Variants in ZNF91 observed in about 807,000 individuals in gnomAD.
ZNF91 encodes zinc finger protein 91 (HPF7, HTF10).
In ZNF91, 7 loss-of-function variants were observed where a neutral mutation model predicts 12.6. The observed-to-expected ratio is 0.55, with a 90% CI of 0.31 to 1.04. ZNF91 has a LOEUF of 1.04. ZNF91 is among the 50% of genes least tolerant of loss of function. ZNF91 has a pLI of 0.05. For synonymous variants in ZNF91, 453 were observed against 462.6 expected, an observed-to-expected ratio of 0.98 and a Z score of 0.27; for missense variants, 1,217 against 1,385.4, an observed-to-expected ratio of 0.88 and a Z score of 1.93.
downstream of ZNF91, among the ~76,000 whole-genome samples, chr19:23,334,401 A>T (rs79718215): frequency 0.027 from 4,037 of 152,218 alleles, 141 homozygotes; most frequent in African/African-American, 0.087. Flanking sequence ...AACGTTTTAG[A>T]AAGTTTAAGC....
At chr19:23,329,966 C>T (rs1431303795) in intron 1 of ZNF91, among the ~76,000 whole-genome samples, 2 of 152,200 alleles carry the variant, frequency 1.3e-5, no homozygotes, top group African/African-American at 4.8e-5. Flanking sequence ...ATATCTGTCT[C>T]ACTTGGCTGC....
rs753472061 is a variant in ZNF91, at chr19:23,346,466, C to T, written c.254-7412G>A. Among the ~76,000 whole-genome samples, 6 of 152,170 alleles carry T rather than the reference C, an allele frequency of 3.9e-5. No individual in the cohort carries two copies. The East Asian group carries it at 5.8e-4, about 15-fold the overall frequency. ...GGACTCAAAAAGGGTGCCCATAAAG[C>T]GGTAAACTATGAAAAACTTTCAGAA... On this transcript the variant is annotated intron_variant, in intron 3 of 3. Coordinates refer to the ZNF91 transcript ENST00000599743.
intron 1 of ZNF91, among the ~76,000 whole-genome samples, chr19:23,319,352 C>T (rs1967636003): frequency 6.6e-6 from 1 of 152,200 alleles, no homozygotes; most frequent in African/African-American, 2.4e-5. Context: ...TATGCCATAC[C>T]TTTTTGTTTA....
upstream of ZNF91, among the ~76,000 whole-genome samples, chr19:23,311,231 G>A (rs1967465367): frequency 6.6e-6 from 1 of 152,032 alleles, no homozygotes; most frequent in African/African-American, 2.4e-5. Flanking sequence ...CAACATCTTG[G>A]ACTCTGACCA....
At chr19:23,344,163 T>C (rs754664129) in intron 3 of ZNF91, among the ~76,000 whole-genome samples, 28 of 152,102 alleles carry the variant, frequency 1.8e-4, no homozygotes, top group Non-Finnish European at 4.0e-4. Flanking sequence ...GGCGTGATCT[T>C]GGCTTACTGC....
At chr19:23,349,229 C>T (rs375838267) in intron 3 of ZNF91, among the ~76,000 whole-genome samples, 9 of 152,188 alleles carry the variant, frequency 5.9e-5, no homozygotes, top group East Asian at 1.9e-4. Context: ...CCAATTCGTA[C>T]GCCCCTCCCC....
chr19:23,331,802 G>A (rs1234587013), intron 1 of ZNF91, among the ~76,000 whole-genome samples: 1 of 152,132 alleles, frequency 6.6e-6, no homozygotes, highest in Non-Finnish European at 1.5e-5. Context: ...AAGTGGAGTG[G>A]TTAACACTGG....
In ZNF91 at chr19:23,365,774, C is replaced by G. The variant is rs527344954; in HGVS notation, c.254-3049G>C. On this transcript the variant is annotated intron_variant, in intron 3 of 3. Coordinates refer to ENST00000300619, the MANE Select transcript of ZNF91 (RefSeq NM_003430.4). ...ATTAGGGAGTAGTGATGACTCTTAA[C>G]GAGCATGCTGCCTGCAAGCATCTGT... 1.8e-4 allele frequency among the ~76,000 whole-genome samples: 28 copies of G among 152,070 alleles called. 1 individual carries two copies. Among genetic ancestry groups the G allele is most frequent in the South Asian group, 1.2e-3 (6 of 4,810 alleles).
chr19:23,378,365 C>A (rs1969579325), intron 1 of ZNF91, among the ~76,000 whole-genome samples: 1 of 152,140 alleles, frequency 6.6e-6, no homozygotes, highest in Non-Finnish European at 1.5e-5. Context: ...CTAAACAGGG[C>A]TGAAGCAGGG....
Position 23,359,211 on chromosome 19 carries a change from T to C in ZNF91, c.*192A>G. ...ATTCTTTATATTTGTAGGGTTTCTCTCTAGTATGAATTTTCTTTTTTTTTT... is the reference window on the plus strand; with the variant it reads ...ATTCTTTATATTTGTAGGGTTTCTCCCTAGTATGAATTTTCTTTTTTTTTT... On this transcript the variant is annotated 3_prime_UTR_variant, in exon 4 of 4. Coordinates refer to ENST00000300619, the MANE Select transcript of ZNF91 (RefSeq NM_003430.4). 1 of 492,678 alleles carries C rather than the reference T, an allele frequency of 2.0e-6. No homozygotes were observed. The highest frequency in any genetic ancestry group is 2.2e-5 in the South Asian group (1 of 45,980). 30.5% of individuals were successfully genotyped at this position (492,678 alleles called of 1,614,324 possible). A position where few individuals can be genotyped will look rare whatever the true frequency, so the allele number is the denominator to read the frequency against.
intron 1 of ZNF91, chr19:23,380,259 T>G (rs1446705321): frequency 2.2e-5 from 1 of 44,832 alleles, no homozygotes; most frequent in Non-Finnish European, 4.0e-5. Context: ...GGGGGGAAAA[T>G]CCGTCTCAAA....
chr19:23,324,038 C>T (rs111067290), intron 1 of ZNF91: 13,471 of 148,390 alleles, frequency 0.091, 815 homozygotes, highest in African/African-American at 0.17. Context: ...TCTTCCTTGT[C>T]CCCTCCTCCT....
downstream of ZNF91, among the ~76,000 whole-genome samples, chr19:23,337,328 GTA>G (rs1020129649): frequency 2.6e-5 from 4 of 151,710 alleles, no homozygotes; most frequent in Non-Finnish European, 4.4e-5. Context: ...ACACAGACAT[GTA>G]TATATATGTG....
In ZNF91 at chr19:23,360,692, T is replaced by C; in HGVS notation, c.2287A>G (p.Ile763Val). The change falls in exon 4 of 4, where the codon ATT becomes GTT. Residue 763 changes from isoleucine (I) to valine (V), a missense_variant. Coordinates refer to ENST00000300619, the MANE Select transcript of ZNF91 (RefSeq NM_003430.4). ...TTGAAGGGTTTCTCTCTAGTATGAA[T>C]TCTTTTATGTTTAGTAAGGCTTGAG... ...WSSSLTKHKR[I>V]HTREKPFKCK... is the part of the protein sequence containing the mutation. 6.2e-7 allele frequency: 1 copy of C among 1,613,872 alleles called. No individual in the cohort carries two copies. The highest frequency in any genetic ancestry group is 8.5e-7 in the Non-Finnish European group (1 of 1,179,894).
chr19:23,363,669 G>C (rs1968895718), intron 3 of ZNF91, among the ~76,000 whole-genome samples: 1 of 151,950 alleles, frequency 6.6e-6, no homozygotes, highest in Admixed American at 6.6e-5. Flanking sequence ...AGGGCAATAT[G>C]ATGCCACCAA....
Position 23,360,090 on chromosome 19 carries a change from C to T in ZNF91, c.2889G>A (p.Glu963=), listed in dbSNP as rs558927457. The T allele has an allele frequency of 6.2e-7, 1 of 1,613,506 alleles. No individual in the cohort carries two copies. Among genetic ancestry groups the T allele is most frequent in the Non-Finnish European group, 8.5e-7 (1 of 1,180,014 alleles). The part of the protein sequence containing the change: ...LTTHKIIHTG[E]KPYKCEECGK... ...CACATTCTTCACATTTGTAGGGTTT[C>T]TCTCCAGTATGAATTATCTTATGTG... Residue 963 remains glutamate (E), a synonymous_variant, in exon 4 of 4, where the codon GAG becomes GAA. Transcript: ENST00000300619.
chr19:23,365,637 G>A (rs1190035233), intron 3 of ZNF91, among the ~76,000 whole-genome samples: 1 of 151,490 alleles, frequency 6.6e-6, no homozygotes, highest in African/African-American at 2.4e-5. Context: ...CAGGGTCATA[G>A]GACAATAGTG....
In ZNF91 at chr19:23,391,451, T is replaced by C. The variant is rs574522237; in HGVS notation, c.30+3874A>G. 5.0e-4 allele frequency among the ~76,000 whole-genome samples: 76 copies of C among 152,146 alleles called. No homozygotes were observed. In the South Asian group the frequency reaches 0.012, roughly 23 times the overall value. On this transcript the variant is annotated intron_variant, in intron 1 of 3. Transcript: ENST00000300619. Reference sequence around the variant, plus strand: ...GATTTTATTACCCTCTGTTTAAACATTCCCCTCCTACCTCCTTACTAATCT... The same window carrying C: ...GATTTTATTACCCTCTGTTTAAACACTCCCCTCCTACCTCCTTACTAATCT...
At chr19:23,335,409 C>T (rs545988599), downstream of ZNF91, among the ~76,000 whole-genome samples, 4 of 152,352 alleles carry the variant, frequency 2.6e-5, no homozygotes, top group Admixed American at 2.6e-4. Context: ...TTCAGCTATG[C>T]CCTGCCCCCA....
Sources: allele counts gnomAD v4.1 joint callset (sites outside exome capture counted in the v4.1 genomes callset), GRCh38; gene constraint gnomAD v4.1.1; transcripts MANE v1.5; gene names NCBI Gene and HGNC (gene_info 2026-07-23, HGNC 2026-07-21).